DLGAP2: variants seen among roughly 807,000 people sequenced by gnomAD.
The protein encoded by DLGAP2 is disks large-associated protein 2.
DLGAP2 carries 26 observed loss-of-function variants against 100.3 expected under a neutral mutation model. The ratio of observed to expected loss-of-function variants is 0.26; its 90% CI spans 0.19 to 0.36. The LOEUF (loss-of-function observed/expected upper bound fraction) is 0.36. Among genes scored for constraint, DLGAP2 ranks in the 10% least tolerant of loss-of-function variants. DLGAP2 has a pLI of 1.00. For synonymous variants in DLGAP2, 886 were observed against 630.1 expected (o/e 1.41, Z -6.08); for missense variants, 1,858 against 1,453.2 (o/e 1.28, Z -4.53).
chr8:872,556 T>C (rs955905727), intron 1 of DLGAP2, among the ~76,000 whole-genome samples: 1 of 152,142 alleles, frequency 6.6e-6, no homozygotes, highest in Non-Finnish European at 1.5e-5. Context: ...GGTCTCAAAC[T>C]GACCTCAGGT....
chr8:1,565,609 G>C lies in DLGAP2; in HGVS notation c.1231-74G>C, dbSNP rs1584933347. 3.3e-6 allele frequency: 4 copies of C among 1,216,384 alleles called. No homozygotes were observed. In the Admixed American group the frequency reaches 6.8e-5, roughly 21 times the overall value. The allele number at this position is 1,216,384 out of a possible 1,614,324, so 75.3% of individuals were successfully genotyped here. On this transcript the variant is annotated intron_variant, in intron 5 of 14. Coordinates refer to ENST00000637795, the MANE Select transcript of DLGAP2 (RefSeq NM_001346810.2). ...ATCTTTATGGAATTGTAGAGGATTT[G>C]TTTCCAAAAAGGAGCTGATGCTGCC...
chr8:1,108,837 G>A (rs1446861697), intron 2 of DLGAP2, among the ~76,000 whole-genome samples: 2 of 135,074 alleles, frequency 1.5e-5, no homozygotes, highest in Non-Finnish European at 3.2e-5. Context: ...TGCCTATGAA[G>A]TGTGCTGGGT....
chr8:1,585,696 G>T (rs190442532), intron 6 of DLGAP2, among the ~76,000 whole-genome samples: 17 of 152,282 alleles, frequency 1.1e-4, no homozygotes, highest in African/African-American at 4.1e-4. Flanking sequence ...GCGGCCCCGT[G>T]CCCCCACCAC....
At chr8:931,829 C>T (rs1187775413) in intron 2 of DLGAP2, among the ~76,000 whole-genome samples, 1 of 152,074 alleles carries the variant, frequency 6.6e-6, no homozygotes, top group African/African-American at 2.4e-5. Context: ...ATTTTTTGGA[C>T]TCTCAATGAA....
chr8:1,641,983 ACCTGTGTCACCCTCGACCCCGCTG>A (rs1797919904), intron 8 of DLGAP2, among the ~76,000 whole-genome samples: 1 of 52,372 alleles, frequency 1.9e-5, no homozygotes, highest in Non-Finnish European at 3.2e-5. Context: ...GCCGGTCCCC[ACCTGTGTCACCCTCGACCCCGCTG>A]GTCCTCACCT....
chr8:839,243 A>T (rs780755357), intron 1 of DLGAP2, among the ~76,000 whole-genome samples: 12 of 152,194 alleles, frequency 7.9e-5, no homozygotes, highest in Non-Finnish European at 1.6e-4. Context: ...GCACAAATCC[A>T]AAGGAATTGC....
intron 2 of DLGAP2, among the ~76,000 whole-genome samples, chr8:1,093,657 A>G (rs1259225842): frequency 2.0e-5 from 3 of 151,308 alleles, no homozygotes; most frequent in Non-Finnish European, 2.9e-5. Context: ...TAATAGCCAG[A>G]CAGAAACACC....
chr8:883,927 A>G (rs1797870561), intron 1 of DLGAP2, among the ~76,000 whole-genome samples: 1 of 152,156 alleles, frequency 6.6e-6, no homozygotes, highest in Non-Finnish European at 1.5e-5. Context: ...TGCTGAGGAT[A>G]ATGGCTTCCA....
At chr8:925,119 C>T (rs1425924972) in intron 2 of DLGAP2, among the ~76,000 whole-genome samples, 1 of 151,806 alleles carries the variant, frequency 6.6e-6, no homozygotes, top group East Asian at 1.9e-4. Flanking sequence ...GGGTGATGGC[C>T]ACTTGGAGTG....
chr8:758,637 C>T (rs535348753), intron 1 of DLGAP2, among the ~76,000 whole-genome samples: 365 of 152,246 alleles, frequency 2.4e-3, no homozygotes, highest in African/African-American at 8.6e-3. Context: ...TCATGACTCA[C>T]TGCAGCTTCA....
At chr8:1,130,381 A>C (rs1796265149) in intron 2 of DLGAP2, among the ~76,000 whole-genome samples, 1 of 152,188 alleles carries the variant, frequency 6.6e-6, no homozygotes, top group Admixed American at 6.5e-5. Flanking sequence ...AGCAACTCAC[A>C]GATATGACGA....
At chr8:1,253,234 G>A (rs1425301776) in intron 2 of DLGAP2, among the ~76,000 whole-genome samples, 2 of 152,234 alleles carry the variant, frequency 1.3e-5, no homozygotes, top group African/African-American at 2.4e-5. Flanking sequence ...GCCCCGGGCT[G>A]TGTCCACCAC....
chr8:1,602,960 G>A (rs1458665515), intron 6 of DLGAP2, among the ~76,000 whole-genome samples: 3 of 152,254 alleles, frequency 2.0e-5, no homozygotes, highest in Admixed American at 1.3e-4. Context: ...AGGGTGGAAG[G>A]CTGGCTCTCA....
chr8:767,482 G>T (rs985048025), intron 1 of DLGAP2, among the ~76,000 whole-genome samples: 33 of 151,544 alleles, frequency 2.2e-4, no homozygotes, highest in Admixed American at 3.3e-4. Context: ...GTGCCTCAGT[G>T]GGTAGCTGGG....
At chr8:1,524,997 G>A (rs1399202002) in intron 4 of DLGAP2, among the ~76,000 whole-genome samples, 1 of 152,040 alleles carries the variant, frequency 6.6e-6, no homozygotes, top group Non-Finnish European at 1.5e-5. Flanking sequence ...TGTGGATGGC[G>A]GAGCAGCCAA....
At chr8:1,260,608 A>C (rs570237248) in intron 3 of DLGAP2, among the ~76,000 whole-genome samples, 2 of 150,724 alleles carry the variant, frequency 1.3e-5, no homozygotes, top group East Asian at 3.9e-4. Context: ...ATATTGGATG[A>C]TTTCTGGGGA....
At chr8:1,557,827 G>C (rs1400990430) in intron 5 of DLGAP2, among the ~76,000 whole-genome samples, 2 of 152,202 alleles carry the variant, frequency 1.3e-5, no homozygotes, top group Non-Finnish European at 2.9e-5. Context: ...GACAGGATCA[G>C]TGCCCACCCT....
chr8:1,569,548 C>G (rs1337807245), intron 6 of DLGAP2, among the ~76,000 whole-genome samples: 6 of 152,216 alleles, frequency 3.9e-5, no homozygotes, highest in Non-Finnish European at 8.8e-5. Context: ...TTGCTGTTGC[C>G]TATTCGCATC....
chr8:748,259 GCC>G (rs879366247), intron 1 of DLGAP2, among the ~76,000 whole-genome samples: 45 of 148,410 alleles, frequency 3.0e-4, no homozygotes, highest in Non-Finnish European at 5.3e-4. Context: ...GTGGGATGGG[GCC>G]GGCCTCTGTG....
Sources: allele counts gnomAD v4.1 joint callset (sites outside exome capture counted in the v4.1 genomes callset), GRCh38; gene constraint gnomAD v4.1.1; transcripts MANE v1.5; gene names NCBI Gene and HGNC (gene_info 2026-07-23, HGNC 2026-07-21).